The following ZNF438 variants were observed in gnomAD, a reference collection of about 807,000 sequenced individuals.
The protein encoded by ZNF438 is zinc finger protein 438.
ZNF438 carries 25 observed loss-of-function variants against 38.0 expected under a neutral mutation model. The observed-to-expected ratio is 0.66, with a 90% confidence interval of 0.48 to 0.92. The LOEUF is 0.92. Among genes scored for constraint, ZNF438 ranks in the 40% least tolerant of loss-of-function variants. ZNF438 has a pLI of 0.00. For missense variants in ZNF438, 1,007 were observed against 999.6 expected (o/e 1.01, Z -0.10); for synonymous variants, 372 against 364.1 (o/e 1.02, Z -0.25).
exon 5 of ZNF438, chr10:30,849,905 G>A (rs771915449): frequency 6.2e-7 from 1 of 1,614,200 alleles, no homozygotes; most frequent in Non-Finnish European, 8.5e-7. Context: ...CAGGAGTTCA[G>A]GGTGGTGAGG....
intron 4 of ZNF438, among the ~76,000 whole-genome samples, chr10:30,855,021 A>G (rs1271989263): frequency 1.3e-5 from 2 of 152,258 alleles, no homozygotes; most frequent in African/African-American, 4.8e-5. Flanking sequence ...TAAGGTTTCC[A>G]GAAATGAAAC....
chr10:30,988,244 CA>C (rs2053070867), intron 1 of ZNF438, among the ~76,000 whole-genome samples: 1 of 151,480 alleles, frequency 6.6e-6, no homozygotes, highest in Admixed American at 6.6e-5. Context: ...TCATTATCGA[CA>C]TAGAGATTAC....
intron 3 of ZNF438, among the ~76,000 whole-genome samples, chr10:30,885,315 C>T (rs2039813726): frequency 6.6e-6 from 1 of 152,222 alleles, no homozygotes; most frequent in Non-Finnish European, 1.5e-5. Context: ...TTTGATTCTA[C>T]TGTTAGGCTG....
intron 1 of ZNF438, among the ~76,000 whole-genome samples, chr10:31,030,108 A>C (rs1315701271): frequency 6.6e-6 from 1 of 152,190 alleles, no homozygotes; most frequent in Non-Finnish European, 1.5e-5. Flanking sequence ...ACATATGGTA[A>C]GCTCTACTTT....
At chr10:30,951,848 C>G (rs1479466831) in intron 1 of ZNF438, among the ~76,000 whole-genome samples, 1 of 151,376 alleles carries the variant, frequency 6.6e-6, no homozygotes, top group Non-Finnish European at 1.5e-5. Context: ...AGATTCAATG[C>G]CATCCCCATC....
chr10:30,968,183 C>T (rs1279516825), intron 1 of ZNF438, among the ~76,000 whole-genome samples: 5 of 152,128 alleles, frequency 3.3e-5, no homozygotes, highest in Admixed American at 1.3e-4. Context: ...GATCAGGCAG[C>T]GGTAGGTTGA....
intron 3 of ZNF438, among the ~76,000 whole-genome samples, chr10:30,882,172 T>C (rs1295403447): frequency 6.6e-6 from 1 of 152,022 alleles, no homozygotes; most frequent in East Asian, 1.9e-4. Context: ...GATAAAGAAA[T>C]TGTATATAAA....
chr10:31,022,089 G>A (rs896141308), intron 1 of ZNF438, among the ~76,000 whole-genome samples: 1 of 152,060 alleles, frequency 6.6e-6, no homozygotes, highest in Non-Finnish European at 1.5e-5. Flanking sequence ...TTTCTCAATC[G>A]GATTGTGACG....
At chr10:30,923,203 G>A (rs2044523950) in intron 2 of ZNF438, 1 of 152,202 alleles carries the variant, frequency 6.6e-6, no homozygotes, top group Admixed American at 6.5e-5. Flanking sequence ...AGGTGATGCA[G>A]TGTTTCTGTC....
intron 1 of ZNF438, among the ~76,000 whole-genome samples, chr10:30,996,383 T>G (rs1003942287): frequency 6.6e-6 from 1 of 152,046 alleles, no homozygotes; most frequent in Non-Finnish European, 1.5e-5. Context: ...TTAGGTTCAA[T>G]CATACAAATA....
intron 2 of ZNF438, among the ~76,000 whole-genome samples, chr10:30,932,424 A>G (rs956492389): frequency 6.6e-6 from 1 of 152,214 alleles, no homozygotes; most frequent in African/African-American, 2.4e-5. Flanking sequence ...AGCATATAGT[A>G]TGTGCCAGGC....
In ZNF438 at chr10:31,031,530, A is replaced by T. The variant is rs549065803; in HGVS notation, c.-192+303T>A. Among the ~76,000 whole-genome samples, 8 of 152,302 alleles carry T rather than the reference A, an allele frequency of 5.3e-5. No individual in the cohort carries two copies. The South Asian group carries it at 1.7e-3, about 32-fold the overall frequency. The stretch of plus-strand genomic sequence containing the variant: ...TAAGTCCCTTTATCACGGAAGAAAA[A>T]AAGGGACTCTCCATTTGGACTTTCC... On this transcript the variant is annotated intron_variant, in intron 1 of 5. Transcript: ENST00000413025.
chr10:30,948,640 A>C (rs2047754249), intron 1 of ZNF438, among the ~76,000 whole-genome samples: 1 of 151,252 alleles, frequency 6.6e-6, no homozygotes, highest in South Asian at 2.1e-4. Context: ...AACTGGAAGA[A>C]AGGGTATCAG....
At chr10:31,022,498 T>G (rs1185445604) in intron 1 of ZNF438, among the ~76,000 whole-genome samples, 1 of 152,102 alleles carries the variant, frequency 6.6e-6, no homozygotes. Flanking sequence ...TGACCTCAGG[T>G]GATCCACCCA....
At chr10:30,916,145 A>C (rs182826485) in intron 2 of ZNF438, among the ~76,000 whole-genome samples, 1 of 152,140 alleles carries the variant, frequency 6.6e-6, no homozygotes, top group East Asian at 1.9e-4. Flanking sequence ...TTTAAGATAC[A>C]GCCACCAAAA....
At chr10:31,006,716 T>A (rs975817031) in intron 1 of ZNF438, among the ~76,000 whole-genome samples, 1 of 130,582 alleles carries the variant, frequency 7.7e-6, no homozygotes, top group Non-Finnish European at 1.6e-5. Flanking sequence ...GGTGTCAGCA[T>A]TGAATTGAAG....
At chr10:30,941,335 G>A (rs544430235) in intron 2 of ZNF438, among the ~76,000 whole-genome samples, 3 of 152,218 alleles carry the variant, frequency 2.0e-5, no homozygotes, top group East Asian at 3.9e-4. Flanking sequence ...GCCTCCCAAA[G>A]TGCTGGCATT....
exon 6 of ZNF438, chr10:30,844,891 C>A: frequency 6.5e-7 from 1 of 1,541,626 alleles, no homozygotes; most frequent in African/African-American, 1.4e-5. Context: ...TAAGCACCAC[C>A]ATAAAGCACG....
chr10:30,983,364 C>T (rs1286246893), intron 1 of ZNF438, among the ~76,000 whole-genome samples: 2 of 152,290 alleles, frequency 1.3e-5, no homozygotes, highest in East Asian at 3.9e-4. Flanking sequence ...CCTCAAGAAA[C>T]TTTCAACCAC....
Sources: gnomAD v4.1 joint callset for allele counts (sites outside exome capture counted in the v4.1 genomes callset) on GRCh38, gnomAD v4.1.1 for gene constraint, MANE v1.5 for transcripts, NCBI Gene and HGNC (gene_info 2026-07-23, HGNC 2026-07-21) for gene names.